DPP6: variants seen among roughly 807,000 people sequenced by gnomAD.
DPP6 encodes the protein A-type potassium channel modulatory protein DPP6.
In DPP6, 69 loss-of-function variants were observed where a neutral mutation model predicts 122.6. The observed-to-expected ratio is 0.56, with a 90% CI of 0.46 to 0.69. The LOEUF (loss-of-function observed/expected upper bound fraction) is 0.69. Ranked by LOEUF, DPP6 falls within the 30% of genes least tolerant of loss-of-function variation. DPP6 has a pLI of 0.00. For synonymous variants in DPP6, 418 were observed against 433.1 expected (o/e 0.97, Z 0.43); for missense variants, 928 against 1,116.9 (o/e 0.83, Z 2.41).
At chr7:153,935,964 G>A (rs1439845491) in intron 1 of DPP6, among the ~76,000 whole-genome samples, 1 of 152,202 alleles carries the variant, frequency 6.6e-6, no homozygotes, top group East Asian at 1.9e-4. Flanking sequence ...ACATGCATGT[G>A]ATGATCTAAT....
At chr7:154,251,877 T>C (rs968945830) in intron 1 of DPP6, among the ~76,000 whole-genome samples, 1 of 151,650 alleles carries the variant, frequency 6.6e-6, no homozygotes, top group African/African-American at 2.4e-5. Flanking sequence ...CCCAGTCCAC[T>C]GACTCAAATG....
At chr7:154,710,303 T>A (rs972338384) in intron 7 of DPP6, among the ~76,000 whole-genome samples, 23 of 152,320 alleles carry the variant, frequency 1.5e-4, no homozygotes, top group African/African-American at 5.5e-4. Flanking sequence ...GTTCTCCTTA[T>A]CTCAATGCAA....
intron 1 of DPP6, among the ~76,000 whole-genome samples, chr7:153,974,962 C>T (rs1224092328): frequency 6.6e-6 from 1 of 152,160 alleles, no homozygotes; most frequent in African/African-American, 2.4e-5. Context: ...CTGGCTTCTT[C>T]GACCATGTCC....
At chr7:154,723,317 T>C (rs1237434777) in intron 7 of DPP6, among the ~76,000 whole-genome samples, 1 of 152,206 alleles carries the variant, frequency 6.6e-6, no homozygotes, top group African/African-American at 2.4e-5. Flanking sequence ...TTATAGCTTG[T>C]TCTTTCATTT....
At chr7:154,870,593 G>T (rs1382392039) in intron 18 of DPP6, among the ~76,000 whole-genome samples, 5 of 152,096 alleles carry the variant, frequency 3.3e-5, no homozygotes, top group African/African-American at 1.2e-4. Flanking sequence ...GCAATAGAGT[G>T]AGACTTTGTC....
chr7:154,139,646 A>G (rs958383420), intron 1 of DPP6, among the ~76,000 whole-genome samples: 1 of 151,604 alleles, frequency 6.6e-6, no homozygotes, highest in Non-Finnish European at 1.5e-5. Context: ...GGAGGGCACC[A>G]CACCTTCTGA....
chr7:154,382,969 C>T (rs916229490), intron 1 of DPP6, among the ~76,000 whole-genome samples: 1 of 152,170 alleles, frequency 6.6e-6, no homozygotes, highest in Admixed American at 6.5e-5. Context: ...TCAGGTAGTC[C>T]GCCCGCCTTG....
intron 1 of DPP6, among the ~76,000 whole-genome samples, chr7:154,063,710 C>T (rs1289976455): frequency 6.8e-6 from 1 of 147,990 alleles, no homozygotes; most frequent in African/African-American, 2.6e-5. Context: ...GAGGTGGGGA[C>T]TGAGAGCCAG....
chr7:154,388,282 C>G (rs933543412), intron 1 of DPP6, among the ~76,000 whole-genome samples: 7 of 152,092 alleles, frequency 4.6e-5, no homozygotes, highest in African/African-American at 7.2e-5. Flanking sequence ...GTGAGAGACC[C>G]TGTCAAAAAA....
chr7:154,072,778 A>T (rs1803216734), intron 1 of DPP6, among the ~76,000 whole-genome samples: 1 of 152,256 alleles, frequency 6.6e-6, no homozygotes, highest in Admixed American at 6.5e-5. Flanking sequence ...AATGAGCCCA[A>T]GGGCTTGGGC....
chr7:154,725,089 A>G (rs1842000736), intron 7 of DPP6, among the ~76,000 whole-genome samples: 1 of 152,054 alleles, frequency 6.6e-6, no homozygotes, highest in Admixed American at 6.5e-5. Context: ...CTTTTTACAG[A>G]TTGTGACTAG....
At chr7:154,729,365 C>T (rs1160578445) in intron 8 of DPP6, among the ~76,000 whole-genome samples, 1 of 152,138 alleles carries the variant, frequency 6.6e-6, no homozygotes, top group Non-Finnish European at 1.5e-5. Context: ...TGGCTTTATG[C>T]ATCATAAATT....
chr7:154,566,815 A>G (rs895465577), intron 4 of DPP6, 27 bp from the exon 5 acceptor site: 1 of 1,356,834 alleles, frequency 7.4e-7, no homozygotes. Flanking sequence ...TAATGCTTTA[A>G]AATTCTTTGT....
intron 1 of DPP6, among the ~76,000 whole-genome samples, chr7:154,022,955 T>A (rs981337581): frequency 1.3e-5 from 2 of 152,158 alleles, no homozygotes; most frequent in African/African-American, 4.8e-5. Flanking sequence ...TCTTAACTTC[T>A]AATCCAAGGG....
At chr7:154,129,637 C>T (rs1011606902) in intron 1 of DPP6, among the ~76,000 whole-genome samples, 22 of 152,218 alleles carry the variant, frequency 1.4e-4, no homozygotes, top group African/African-American at 3.1e-4. Context: ...CAGTGGCTTA[C>T]GCCTGTAATC....
intron 1 of DPP6, among the ~76,000 whole-genome samples, chr7:154,107,748 C>T (rs1217632146): frequency 6.6e-6 from 1 of 152,088 alleles, no homozygotes; most frequent in African/African-American, 2.4e-5. Flanking sequence ...GTTGGGGAAC[C>T]TTACCAGGGT....
chr7:154,673,834 C>A (rs1426054458), intron 7 of DPP6, among the ~76,000 whole-genome samples: 2 of 151,980 alleles, frequency 1.3e-5, no homozygotes, highest in Non-Finnish European at 2.9e-5. Context: ...TCATTGTGTC[C>A]TCTTCAGATG....
chr7:153,841,603 A>G, the DPP6 span, among the ~76,000 whole-genome samples: 1 of 152,240 alleles, frequency 6.6e-6, no homozygotes, highest in Admixed American at 6.5e-5. Flanking sequence ...GAACTACTCA[A>G]ACCAAATTGG....
chr7:154,479,806 G>A (rs1443726678), intron 3 of DPP6, among the ~76,000 whole-genome samples: 1 of 152,034 alleles, frequency 6.6e-6, no homozygotes, highest in Non-Finnish European at 1.5e-5. Flanking sequence ...TGTTTACATG[G>A]ACCAATCATC....
Sources: allele counts gnomAD v4.1 joint callset (sites outside exome capture counted in the v4.1 genomes callset), GRCh38; gene constraint gnomAD v4.1.1; transcripts MANE v1.5; gene names NCBI Gene and HGNC (gene_info 2026-07-23, HGNC 2026-07-21).